RAB6B: variants seen among roughly 807,000 people sequenced by gnomAD.
RAB6B encodes ras-related protein Rab-6B.
In RAB6B, 7 loss-of-function variants were observed where a neutral mutation model predicts 31.2. The ratio of observed to expected loss-of-function variants is 0.22; its 90% CI spans 0.13 to 0.42. The LOEUF is 0.42. Ranked by LOEUF, RAB6B falls within the 10% of genes least tolerant of loss-of-function variation. The probability of loss-of-function intolerance (pLI) is 1.00; values close to 1 mark genes in which losing one functional copy is unlikely to be tolerated. For missense variants in RAB6B, 149 were observed against 280.6 expected, an observed-to-expected ratio of 0.53 and a Z score of 3.35; for synonymous variants, 105 against 104.9, an observed-to-expected ratio of 1.00 and a Z score of -0.01.
intron 2 of RAB6B, among the ~76,000 whole-genome samples, chr3:133,844,186 A>AC (rs1559902439): frequency 6.6e-6 from 1 of 152,194 alleles, no homozygotes; most frequent in Non-Finnish European, 1.5e-5. Flanking sequence ...GCAAAGCTCA[A>AC]CCCAGTGGCC....
intron 2 of RAB6B, among the ~76,000 whole-genome samples, chr3:133,855,743 C>T (rs1003078071): frequency 6.6e-6 from 1 of 152,196 alleles, no homozygotes; most frequent in Non-Finnish European, 1.5e-5. Flanking sequence ...AAGCCTGGAG[C>T]AGAGAACTGC....
intron 1 of RAB6B, among the ~76,000 whole-genome samples, chr3:133,867,374 G>A (rs915848317): frequency 6.6e-6 from 1 of 152,184 alleles, no homozygotes; most frequent in Admixed American, 6.5e-5. Context: ...CAGAGGAGAC[G>A]TGGCACCTGC....
intron 6 of RAB6B, among the ~76,000 whole-genome samples, chr3:133,837,563 G>A (rs1935755036): frequency 1.3e-5 from 2 of 152,164 alleles, no homozygotes; most frequent in South Asian, 2.1e-4. Flanking sequence ...CGGGTCAGTG[G>A]TTAGTGAAGA....
At chr3:133,880,331 G>A (rs1292976622) in intron 1 of RAB6B, among the ~76,000 whole-genome samples, 1 of 152,248 alleles carries the variant, frequency 6.6e-6, no homozygotes, top group Non-Finnish European at 1.5e-5. Flanking sequence ...GGGAGAATGA[G>A]TAAACAGAGT....
At chr3:133,873,707 TAG>T (rs1426532692) in intron 1 of RAB6B, among the ~76,000 whole-genome samples, 4 of 152,196 alleles carry the variant, frequency 2.6e-5, no homozygotes, top group Admixed American at 6.5e-5. Context: ...TTTTAATATA[TAG>T]AGAGTTGACC....
intron 2 of RAB6B, among the ~76,000 whole-genome samples, chr3:133,855,274 GA>G (rs1936057346): frequency 6.6e-6 from 1 of 152,252 alleles, no homozygotes; most frequent in Non-Finnish European, 1.5e-5. Context: ...ATCCTTGCCA[GA>G]AGCGCAGTAA....
At chr3:133,857,345 A>G (rs1936095998) in intron 2 of RAB6B, among the ~76,000 whole-genome samples, 1 of 151,988 alleles carries the variant, frequency 6.6e-6, no homozygotes, top group African/African-American at 2.4e-5. Flanking sequence ...AGTAATACTA[A>G]GAAACTAAAA....
intron 2 of RAB6B, among the ~76,000 whole-genome samples, chr3:133,849,655 T>G (rs1393191010): frequency 2.0e-5 from 3 of 152,220 alleles, no homozygotes; most frequent in Non-Finnish European, 4.4e-5. Flanking sequence ...TATTCAGTTG[T>G]ACTCCCTCTC....
chr3:133,837,040 C>T (rs140789550), intron 6 of RAB6B, among the ~76,000 whole-genome samples: 66 of 152,198 alleles, frequency 4.3e-4, no homozygotes, highest in African/African-American at 1.5e-3. Context: ...CAGAAGCGAC[C>T]GCCAGGCCAA....
Position 133,826,461 on chromosome 3 carries a change from A to G in RAB6B, c.*2327T>C, listed in dbSNP as rs886196309. 6.6e-6 allele frequency: 1 copy of G among 152,606 alleles called. No individual in the cohort carries two copies. The highest frequency in any genetic ancestry group is 1.5e-5 in the Non-Finnish European group (1 of 68,040). 9.5% of individuals were successfully genotyped at this position (152,606 alleles called of 1,614,324 possible). A position where few individuals can be genotyped will look rare whatever the true frequency, so the allele number is the denominator to read the frequency against. ...ATCTACCATACGTTCATTCACTGAG[A>G]CCCAGTGCAGATTCCTGTAAATGGG... On this transcript the variant is annotated 3_prime_UTR_variant, in exon 8 of 8. Coordinates refer to ENST00000285208, the MANE Select transcript of RAB6B (RefSeq NM_016577.4).
chr3:133,882,364 G>A (rs1406969321), intron 1 of RAB6B, among the ~76,000 whole-genome samples: 1 of 152,244 alleles, frequency 6.6e-6, no homozygotes, highest in Non-Finnish European at 1.5e-5. Flanking sequence ...CTACAAGCAA[G>A]TCACAAGTTC....
chr3:133,885,561 C>T (rs779110839), intron 1 of RAB6B: 2 of 703,042 alleles, frequency 2.8e-6, no homozygotes, highest in Admixed American at 2.0e-5. Context: ...GGTCATATGC[C>T]ACATCCAACC....
At chr3:133,887,806 A>G (rs1046122950) in intron 1 of RAB6B, among the ~76,000 whole-genome samples, 2 of 152,132 alleles carry the variant, frequency 1.3e-5, no homozygotes, top group Non-Finnish European at 2.9e-5. Context: ...ATTTAGTTTA[A>G]TTGGTTCTTC....
At chr3:133,843,698 G>C (rs1935868592) in intron 2 of RAB6B, among the ~76,000 whole-genome samples, 1 of 152,164 alleles carries the variant, frequency 6.6e-6, no homozygotes, top group Non-Finnish European at 1.5e-5. Flanking sequence ...ATATTTCCCA[G>C]CCTTCTTTGC....
intron 2 of RAB6B, among the ~76,000 whole-genome samples, chr3:133,841,895 G>A (rs924784497): frequency 2.6e-5 from 4 of 152,184 alleles, no homozygotes; most frequent in Admixed American, 1.3e-4. Context: ...ATCTTCTCTG[G>A]AGAGGGCAAG....
At chr3:133,859,959 A>C (rs1461443088) in intron 2 of RAB6B, among the ~76,000 whole-genome samples, 1 of 152,240 alleles carries the variant, frequency 6.6e-6, no homozygotes, top group Admixed American at 6.5e-5. Flanking sequence ...CATGTGGCCA[A>C]GAAAGGATCC....
chr3:133,832,071 C>T (rs75755191), intron 7 of RAB6B, among the ~76,000 whole-genome samples: 1,902 of 152,282 alleles, frequency 0.012, 44 homozygotes, highest in African/African-American at 0.043. Context: ...TGGTTTGCGG[C>T]GTCACTGTCC....
Position 133,825,111 on chromosome 3 carries a change from G to A in RAB6B, c.*3677C>T, listed in dbSNP as rs1039362342. 6.6e-6 allele frequency: 1 copy of A among 152,144 alleles called. No individual in the cohort carries two copies. The highest frequency in any genetic ancestry group is 1.5e-5 in the Non-Finnish European group (1 of 68,036). The allele number at this position is 152,144 out of a possible 1,614,324, so 9.4% of individuals were successfully genotyped here. On this transcript the variant is annotated 3_prime_UTR_variant, in exon 8 of 8. Coordinates refer to ENST00000285208, the MANE Select transcript of RAB6B (RefSeq NM_016577.4). ...GGTTGATGCACACAGACATCCTTCT[G>A]TTCAGCTGCCCCTCAAGTGGCTCAG...
intron 1 of RAB6B, among the ~76,000 whole-genome samples, chr3:133,865,034 G>A (rs546088884): frequency 5.3e-5 from 8 of 152,346 alleles, no homozygotes; most frequent in African/African-American, 1.9e-4. Flanking sequence ...ACACCTTGTT[G>A]TTGGTCATAC....
Sources: allele counts gnomAD v4.1 joint callset (sites outside exome capture counted in the v4.1 genomes callset), GRCh38; gene constraint gnomAD v4.1.1; transcripts MANE v1.5; gene names NCBI Gene and HGNC (gene_info 2026-07-23, HGNC 2026-07-21).